Variants in TRPA1 observed in about 807,000 individuals in gnomAD.
The protein encoded by TRPA1 is ankyrin-like with transmembrane domains 1.
A neutral mutation model predicts 131.3 loss-of-function variants in TRPA1; 129 were observed. The ratio of observed to expected loss-of-function variants is 0.98; its 90% CI spans 0.85 to 1.14. The LOEUF (loss-of-function observed/expected upper bound fraction) is 1.14. TRPA1 is among the 50% of genes most tolerant of loss of function. The probability of loss-of-function intolerance (pLI) is 0.00; values close to 1 mark genes in which losing one functional copy is unlikely to be tolerated. For synonymous variants in TRPA1, 441 were observed against 451.7 expected, an observed-to-expected ratio of 0.98 and a Z score of 0.30; for missense variants, 1,304 against 1,354.2, an observed-to-expected ratio of 0.96 and a Z score of 0.58.
chr8:72,075,918 G>C (rs1162274529), upstream of TRPA1, among the ~76,000 whole-genome samples: 1 of 151,384 alleles, frequency 6.6e-6, no homozygotes, highest in African/African-American at 2.4e-5. Flanking sequence ...TGGGTGGAGG[G>C]TGGGGGGTGT....
chr8:72,039,684 C>T (rs1324558521), intron 18 of TRPA1, 43 bp downstream of exon 18: 1 of 1,200,712 alleles, frequency 8.3e-7, no homozygotes, highest in Non-Finnish European at 1.2e-6. Context: ...GTAATAGATC[C>T]AATAGACACA....
At chr8:72,024,174 G>C (rs1811499727) in intron 25 of TRPA1, among the ~76,000 whole-genome samples, 1 of 152,108 alleles carries the variant, frequency 6.6e-6, no homozygotes, top group African/African-American at 2.4e-5. Flanking sequence ...TTAGAATGAG[G>C]CTTAGCTGAA....
the TRPA1 span, among the ~76,000 whole-genome samples, chr8:72,085,100 G>GTCC: frequency 6.6e-6 from 1 of 152,000 alleles, no homozygotes; most frequent in Admixed American, 6.5e-5. Flanking sequence ...ATTTTCAATG[G>GTCC]CTAGGGACTT....
At chr8:72,070,817 C>T (rs1156630478) in intron 2 of TRPA1, among the ~76,000 whole-genome samples, 2 of 152,314 alleles carry the variant, frequency 1.3e-5, no homozygotes, top group South Asian at 2.1e-4. Flanking sequence ...GTAGGGCAGG[C>T]CCTTTCCTTC....
intron 25 of TRPA1, among the ~76,000 whole-genome samples, chr8:72,025,110 G>A (rs1284494779): frequency 3.6e-5 from 2 of 55,756 alleles, no homozygotes; most frequent in Non-Finnish European, 6.3e-5. Context: ...GTGTTCGTGT[G>A]TGTGTGTGTG....
chr8:72,054,096 A>G, intron 12 of TRPA1: 2 of 543,828 alleles, frequency 3.7e-6, no homozygotes. Context: ...TTAGTGGTTT[A>G]AAATATGAAA....
At chr8:72,063,436 A>G (rs867401059) in intron 5 of TRPA1, 27 bp downstream of exon 5, 11 of 1,469,702 alleles carry the variant, frequency 7.5e-6, no homozygotes, top group Non-Finnish European at 1.0e-5. Context: ...TATTTATAGT[A>G]TATAACATAG....
In TRPA1 at chr8:72,052,878, G is replaced by A. The variant is rs1311059699; in HGVS notation, c.1645-113C>T. 2.4e-6 allele frequency: 3 copies of A among 1,240,680 alleles called. No homozygotes were observed. The African/African-American group carries it at 4.5e-5, about 18-fold the overall frequency. The allele number at this position is 1,240,680 out of a possible 1,614,324, so 76.9% of individuals were successfully genotyped here. A position where few individuals can be genotyped will look rare whatever the true frequency, so the allele number is the denominator to read the frequency against. On this transcript the variant is annotated intron_variant, in intron 13 of 26. Coordinates refer to ENST00000262209, the MANE Select transcript of TRPA1 (RefSeq NM_007332.3). ...ACACTATTTAATACCAAAATACATA[G>A]CACTTAAAACTGGTGTTCAGAATCA...
chr8:72,089,568 A>G, the TRPA1 span, among the ~76,000 whole-genome samples: 1 of 152,136 alleles, frequency 6.6e-6, no homozygotes, highest in Non-Finnish European at 1.5e-5. Flanking sequence ...GTCTATAAAG[A>G]CATTCTTGTT....
In TRPA1 at chr8:72,065,568, G is replaced by A. The variant is rs969884481; in HGVS notation, c.445-10C>T. ...TATGCTCAAGCAAGACCTAAAAAAA[G>A]GGGAGAATAATTGTCAAAATTTTTG... On this transcript the variant is annotated splice_polypyrimidine_tract_variant and intron_variant, in intron 3 of 26. Coordinates refer to ENST00000262209, the MANE Select transcript of TRPA1 (RefSeq NM_007332.3). 1.2e-6 allele frequency: 2 copies of A among 1,608,926 alleles called. No individual in the cohort carries two copies. Among genetic ancestry groups the A allele is most frequent in the Non-Finnish European group, 8.5e-7 (1 of 1,176,050 alleles).
chr8:72,038,891 C>T lies in TRPA1; in HGVS notation c.2269G>A (p.Asp757Asn), dbSNP rs766394245. ...NSTGIINETS[D>N]HSEILDTTNS... ...GTGGTATCTAGTATTTCTGAATGATCACTAGTTTCATTGATGATGCCAGTT... is the reference window on the plus strand; with the variant it reads ...GTGGTATCTAGTATTTCTGAATGATTACTAGTTTCATTGATGATGCCAGTT... Residue 757 changes from aspartate to asparagine, a missense_variant, in exon 19 of 27, where the codon GAT (aspartate) becomes AAT (asparagine). By Grantham distance (23) the Asp-to-Asn change is conservative. Transcript: ENST00000262209. 2 of 1,612,382 alleles carry T rather than the reference C, an allele frequency of 1.2e-6. No individual in the cohort carries two copies. The highest frequency in any genetic ancestry group is 1.7e-6 in the Non-Finnish European group (2 of 1,179,108).
rs1811441314 is a variant in TRPA1 at position 72,022,766 on chromosome 8, T to C, written c.*140A>G. 1.2e-5 allele frequency: 9 copies of C among 771,974 alleles called. No homozygotes were observed. Among genetic ancestry groups the C allele is most frequent in the Non-Finnish European group, 1.7e-5 (8 of 472,276 alleles). 47.8% of individuals were successfully genotyped at this position (771,974 alleles called of 1,614,324 possible). On this transcript the variant is annotated 3_prime_UTR_variant, in exon 27 of 27. Transcript: ENST00000262209. ...GAATAGAGGATAAAAGATGGTTTAC[T>C]TTTATACAGCATGCAGGAACCATGA...
chr8:72,065,048 A>G (rs144106678), intron 4 of TRPA1, among the ~76,000 whole-genome samples: 181 of 152,310 alleles, frequency 1.2e-3, no homozygotes, highest in African/African-American at 4.0e-3. Context: ...TGGGCCAAAT[A>G]AGTCTGCAAC....
chr8:72,069,224 T>A, intron 2 of TRPA1, 26 bp from the exon 3 acceptor site: 1 of 1,613,550 alleles, frequency 6.2e-7, no homozygotes, highest in Non-Finnish European at 8.5e-7. Flanking sequence ...AGAATATGGA[T>A]TAAATTTTGC....
chr8:72,087,299 C>T, the TRPA1 span, among the ~76,000 whole-genome samples: 1 of 152,122 alleles, frequency 6.6e-6, no homozygotes, highest in South Asian at 2.1e-4. Context: ...CCAGCTTTAC[C>T]CAAATTGAAT....
At chr8:72,045,939 G>A (rs1348844619) in intron 17 of TRPA1, among the ~76,000 whole-genome samples, 1 of 151,960 alleles carries the variant, frequency 6.6e-6, no homozygotes, top group Non-Finnish European at 1.5e-5. Flanking sequence ...CTTCCAATGG[G>A]GTTCATTCAT....
At chr8:72,041,872 T>G (rs1347771606) in intron 17 of TRPA1, among the ~76,000 whole-genome samples, 1 of 151,422 alleles carries the variant, frequency 6.6e-6, no homozygotes. Flanking sequence ...AGAGCAGAGA[T>G]AAATGTAATA....
At chr8:72,054,168 A>G (rs954596004) in intron 12 of TRPA1, 8 of 378,328 alleles carry the variant, frequency 2.1e-5, no homozygotes, top group Non-Finnish European at 3.0e-5. Flanking sequence ...TGTCTGTGTC[A>G]TACCTAATTT....
At chr8:72,085,525 AT>A in the TRPA1 span, among the ~76,000 whole-genome samples, 3 of 151,612 alleles carry the variant, frequency 2.0e-5, no homozygotes, top group South Asian at 2.1e-4. Context: ...ATCTTCTTTA[AT>A]TTTTTTATAC....
Sources: allele counts gnomAD v4.1 joint callset (sites outside exome capture counted in the v4.1 genomes callset), GRCh38; gene constraint gnomAD v4.1.1; transcripts MANE v1.5; gene names NCBI Gene and HGNC (gene_info 2026-07-23, HGNC 2026-07-21).